The following NSG2 variants were observed in gnomAD, a reference collection of about 807,000 sequenced individuals.
NSG2 encodes the protein neuronal vesicle trafficking associated 2, also known as neuronal vesicle trafficking-associated protein 2.
In NSG2, 4 loss-of-function variants were observed where a neutral mutation model predicts 16.9. The observed-to-expected ratio is 0.24, with a 90% CI of 0.12 to 0.54. NSG2 has a LOEUF of 0.54. NSG2 is among the 20% of genes least tolerant of loss of function. NSG2 has a pLI of 0.95. For missense variants in NSG2, 179 were observed against 221.1 expected (o/e 0.81, Z 1.21); for synonymous variants, 98 against 88.7 (o/e 1.11, Z -0.59).
intron 3 of NSG2, among the ~76,000 whole-genome samples, chr5:174,073,717 G>A (rs1292705631): frequency 2.6e-5 from 4 of 152,194 alleles, no homozygotes; most frequent in Admixed American, 1.3e-4. Context: ...GCTGCCTTAG[G>A]AGGAATGTGC....
intron 2 of NSG2, among the ~76,000 whole-genome samples, chr5:174,050,314 A>G (rs1759868042): frequency 1.3e-5 from 2 of 152,340 alleles, no homozygotes; most frequent in South Asian, 4.1e-4. Context: ...CTTTAGTAGT[A>G]TGAAATCTGA....
At chr5:174,097,133 G>A (rs1760809787) in intron 3 of NSG2, among the ~76,000 whole-genome samples, 1 of 152,130 alleles carries the variant, frequency 6.6e-6, no homozygotes, top group Non-Finnish European at 1.5e-5. Flanking sequence ...GGAGGGTGGT[G>A]GGGCAGCGGT....
At chr5:174,096,628 G>A (rs2113471167) in intron 3 of NSG2, among the ~76,000 whole-genome samples, 1 of 152,294 alleles carries the variant, frequency 6.6e-6, no homozygotes, top group East Asian at 1.9e-4. Flanking sequence ...GGGCGGACTG[G>A]AAGCCTAGAG....
At chr5:174,083,086 C>T (rs1221351501) in intron 3 of NSG2, among the ~76,000 whole-genome samples, 1 of 152,224 alleles carries the variant, frequency 6.6e-6, no homozygotes, top group African/African-American at 2.4e-5. Context: ...CTGTTCTCTC[C>T]ACCTGGATCC....
At chr5:174,054,677 C>G (rs1375252248) in intron 2 of NSG2, among the ~76,000 whole-genome samples, 1 of 152,154 alleles carries the variant, frequency 6.6e-6, no homozygotes, top group African/African-American at 2.4e-5. Context: ...CTACACCTGG[C>G]CTCAGATTTT....
At chr5:174,085,481 G>A (rs951330977) in intron 3 of NSG2, among the ~76,000 whole-genome samples, 5 of 152,142 alleles carry the variant, frequency 3.3e-5, no homozygotes, top group Non-Finnish European at 5.9e-5. Flanking sequence ...TATCCTGAAC[G>A]CTTGCTAGCC....
In NSG2 at chr5:174,107,969, A is replaced by G. The variant is rs1025710493; in HGVS notation, c.*464A>G. 3.3e-5 allele frequency: 12 copies of G among 362,348 alleles called. No individual in the cohort carries two copies. Among genetic ancestry groups the G allele is most frequent in the African/African-American group, 2.6e-4 (12 of 46,794 alleles). The allele number at this position is 362,348 out of a possible 1,614,324, so 22.4% of individuals were successfully genotyped here. On this transcript the variant is annotated 3_prime_UTR_variant, in exon 5 of 5. Transcript: ENST00000303177. The surrounding 1 kb of genome is among the most constrained non-coding windows in gnomAD (Gnocchi z 4.5). Reference sequence around the variant, plus strand: ...GGGGGCTCCAGGGTTGCAGAGTATGAGTGACACAGACCGGGACTATTCCAT... The same window carrying G: ...GGGGGCTCCAGGGTTGCAGAGTATGGGTGACACAGACCGGGACTATTCCAT...
intron 2 of NSG2, among the ~76,000 whole-genome samples, chr5:174,054,541 C>T (rs1166580426): frequency 1.3e-5 from 2 of 152,148 alleles, no homozygotes; most frequent in Non-Finnish European, 2.9e-5. Flanking sequence ...TGCTACCACA[C>T]CCAGGCTGAT....
At chr5:174,051,242 TC>T (rs1759884216) in intron 2 of NSG2, among the ~76,000 whole-genome samples, 1 of 151,742 alleles carries the variant, frequency 6.6e-6, no homozygotes, top group Admixed American at 6.6e-5. Context: ...GACACCCAAG[TC>T]CCCCAGTCCT....
chr5:174,066,075 C>A, intron 3 of NSG2: 3 of 371,464 alleles, frequency 8.1e-6, no homozygotes, highest in South Asian at 4.0e-5. Flanking sequence ...AATACTGAAG[C>A]AGCTGCGTAT....
chr5:174,046,969 T>C (rs1206184113), intron 2 of NSG2, 85 bp downstream of exon 2: 1 of 1,390,882 alleles, frequency 7.2e-7, no homozygotes, highest in Non-Finnish European at 1.0e-6. Context: ...ACCCCCCAAA[T>C]CCTTTCATTC....
intron 3 of NSG2, among the ~76,000 whole-genome samples, chr5:174,100,267 G>A (rs1029370029): frequency 6.6e-6 from 1 of 152,262 alleles, no homozygotes; most frequent in Non-Finnish European, 1.5e-5. Context: ...CTGCTTGCAT[G>A]TGGGGAACCA....
chr5:174,091,787 A>T (rs923854094), intron 3 of NSG2, among the ~76,000 whole-genome samples: 1 of 152,072 alleles, frequency 6.6e-6, no homozygotes, highest in African/African-American at 2.4e-5. Context: ...GATCCAGGCA[A>T]ACCTGGCTTC....
intron 3 of NSG2, among the ~76,000 whole-genome samples, chr5:174,066,945 C>T (rs1474147297): frequency 4.2e-5 from 6 of 143,480 alleles, no homozygotes; most frequent in Admixed American, 1.4e-4. Context: ...AGCCGAGATC[C>T]CGCCACTGCA....
chr5:174,059,739 G>A (rs1044834629), intron 2 of NSG2, among the ~76,000 whole-genome samples: 4 of 152,118 alleles, frequency 2.6e-5, no homozygotes, highest in Admixed American at 6.6e-5. Flanking sequence ...GTTCCTCTTG[G>A]CTCTGCCCTT....
chr5:174,064,874 A>C (rs1760114058), intron 3 of NSG2, among the ~76,000 whole-genome samples: 1 of 152,158 alleles, frequency 6.6e-6, no homozygotes, highest in African/African-American at 2.4e-5. Flanking sequence ...GAATGCCCCG[A>C]GGAAGTCACT....
At chr5:174,094,716 A>G (rs1017058097) in intron 3 of NSG2, among the ~76,000 whole-genome samples, 1 of 152,126 alleles carries the variant, frequency 6.6e-6, no homozygotes, top group Non-Finnish European at 1.5e-5. Context: ...GACAAACTAT[A>G]CTTCAGATGA....
At chr5:174,097,491 G>A (rs1301648718) in intron 3 of NSG2, among the ~76,000 whole-genome samples, 1 of 151,412 alleles carries the variant, frequency 6.6e-6, no homozygotes, top group Admixed American at 6.6e-5. Context: ...ATGTCTGTGT[G>A]TGTGTGTCTT....
chr5:174,082,918 C>T lies in NSG2; in HGVS notation c.213+18603C>T, dbSNP rs116134247. Among the ~76,000 whole-genome samples the T allele has an allele frequency of 7.1e-3, 1,074 of 152,318 alleles. 12 individuals are homozygous for T. The highest frequency in any genetic ancestry group is 0.025 in the African/African-American group (1,035 of 41,566). On this transcript the variant is annotated intron_variant, in intron 3 of 4. Coordinates refer to ENST00000303177, the MANE Select transcript of NSG2 (RefSeq NM_015980.5). ...TTAAAAACGCCAATGGAACCATGTC[C>T]ATGAATGCCGGATATGACAGACCCA...
Sources: gnomAD v4.1 joint callset for allele counts (sites outside exome capture counted in the v4.1 genomes callset) on GRCh38, gnomAD v4.1.1 for gene constraint, Gnocchi (gnomAD v3.1) non-coding constraint, MANE v1.5 for transcripts, NCBI Gene and HGNC (gene_info 2026-07-23, HGNC 2026-07-21) for gene names.